Variants in SNX24 observed in about 807,000 individuals in gnomAD.
SNX24 encodes the protein sorting nexin-24.
SNX24 carries 22 observed loss-of-function variants against 28.7 expected under a neutral mutation model. That is an observed-to-expected ratio of 0.77 (90% confidence interval 0.55 to 1.10). The LOEUF (loss-of-function observed/expected upper bound fraction) is 1.10. Ranked by LOEUF, SNX24 falls within the 50% of genes least tolerant of loss-of-function variation. The pLI is 0.00. For missense variants in SNX24, 221 were observed against 201.1 expected (o/e 1.10, Z -0.60); for synonymous variants, 69 against 71.5 (o/e 0.96, Z 0.18).
chr5:123,023,831 C>CAT lies in SNX24; in HGVS notation n.384-5406_384-5405insTA, dbSNP rs1554081586. Reference sequence around the variant, plus strand: ...CAACACACACACACACACACACACACACACACCCCTGCCAAAGCATATCCT... The same window carrying CAT: ...CAACACACACACACACACACACACACATACACACCCCTGCCAAAGCATATCCT... On this transcript the variant is annotated intron_variant and non_coding_transcript_variant, in intron 5 of 5. Coordinates refer to the SNX24 transcript ENST00000502387. 7 of 1,606,930 alleles carry CAT rather than the reference C, an allele frequency of 4.4e-6. No individual in the cohort carries two copies. The African/African-American group carries it at 6.7e-5, about 15-fold the overall frequency.
At chr5:122,892,801 C>T (rs991179339) in intron 1 of SNX24, among the ~76,000 whole-genome samples, 3 of 151,718 alleles carry the variant, frequency 2.0e-5, no homozygotes, top group African/African-American at 7.3e-5. Flanking sequence ...TGGAGTCTCA[C>T]TCTGTCACCC....
intron 1 of SNX24, among the ~76,000 whole-genome samples, chr5:122,852,642 C>T (rs2024527): frequency 0.19 from 28,155 of 152,016 alleles, 3,085 homozygotes; most frequent in East Asian, 0.46. Context: ...CATGCCCAGC[C>T]GCATTTAATA....
chr5:122,914,955 T>G, intron 1 of SNX24, among the ~76,000 whole-genome samples: 1 of 152,156 alleles, frequency 6.6e-6, no homozygotes, highest in South Asian at 2.1e-4. Context: ...CACTTTTCCT[T>G]AGGTCCAGTT....
At chr5:122,981,054 C>T (rs1307448114) in intron 3 of SNX24, among the ~76,000 whole-genome samples, 1 of 152,098 alleles carries the variant, frequency 6.6e-6, no homozygotes, top group East Asian at 1.9e-4. Flanking sequence ...CCCAGCACTC[C>T]ATTTGCATGC....
intron 3 of SNX24, among the ~76,000 whole-genome samples, chr5:122,954,573 C>CTGT (rs1760122913): frequency 6.6e-6 from 1 of 150,558 alleles, no homozygotes; most frequent in African/African-American, 2.4e-5. Context: ...TAATAGTTAC[C>CTGT]TGTTATCTTT....
At chr5:123,013,207 T>C (rs1051674454), downstream of SNX24, among the ~76,000 whole-genome samples, 10 of 152,194 alleles carry the variant, frequency 6.6e-5, no homozygotes, top group Admixed American at 3.3e-4. Flanking sequence ...GTGAAATGCA[T>C]TTGGGTCCCC....
intron 1 of SNX24, among the ~76,000 whole-genome samples, chr5:122,884,434 G>A (rs571408282): frequency 3.0e-4 from 45 of 151,384 alleles, no homozygotes; most frequent in Middle Eastern, 3.4e-3. Flanking sequence ...TTTAGTAAAG[G>A]TGGGGTTTCA....
At chr5:122,905,671 A>T (rs2150083979) in intron 1 of SNX24, among the ~76,000 whole-genome samples, 1 of 152,324 alleles carries the variant, frequency 6.6e-6, no homozygotes, top group East Asian at 1.9e-4. Flanking sequence ...CCCTAGGAAC[A>T]CCTGATTGGA....
intron 3 of SNX24, among the ~76,000 whole-genome samples, chr5:122,953,817 G>A (rs1411512047): frequency 6.6e-6 from 1 of 152,100 alleles, no homozygotes; most frequent in African/African-American, 2.4e-5. Context: ...TAAATGTATA[G>A]TTAGTATTAA....
chr5:122,880,644 A>G (rs1756438647), intron 1 of SNX24, among the ~76,000 whole-genome samples: 1 of 152,200 alleles, frequency 6.6e-6, no homozygotes, highest in South Asian at 2.1e-4. Flanking sequence ...CATATCAGAA[A>G]AGAACAATGT....
At chr5:123,026,973 TC>T (rs1256667555) in intron 5 of SNX24, among the ~76,000 whole-genome samples, 2 of 152,064 alleles carry the variant, frequency 1.3e-5, no homozygotes, top group African/African-American at 4.8e-5. Context: ...GGCGGGCAGA[TC>T]GCAAGGCCAG....
chr5:122,968,757 T>G (rs1396306310), intron 3 of SNX24, among the ~76,000 whole-genome samples: 1 of 152,278 alleles, frequency 6.6e-6, no homozygotes, highest in East Asian at 1.9e-4. Flanking sequence ...AATTAAAATA[T>G]TATCACTACT....
In SNX24 at chr5:123,007,986, G is replaced by A; in HGVS notation, c.*237G>A. The A allele has an allele frequency of 8.3e-7, 1 of 1,202,262 alleles. No homozygotes were observed. Among genetic ancestry groups the A allele is most frequent in the East Asian group, 4.6e-5 (1 of 21,726 alleles). 74.5% of individuals were successfully genotyped at this position (1,202,262 alleles called of 1,614,324 possible). ...CCAAGTGTTTAAGAAGTAGAGTGTA[G>A]CTGCCAGCGTAGAAACCCATGAAAA... is the stretch of plus-strand genomic sequence containing the variant. On this transcript the variant is annotated 3_prime_UTR_variant, in exon 7 of 7. Transcript: ENST00000261369.
Position 122,887,566 on chromosome 5 carries a change from G to A in SNX24, c.60+41873G>A, listed in dbSNP as rs563377835. Among the ~76,000 whole-genome samples, 38 of 152,164 alleles carry A rather than the reference G, an allele frequency of 2.5e-4. No individual in the cohort carries two copies. In the South Asian group the frequency reaches 7.3e-3, roughly 29 times the overall value. On this transcript the variant is annotated intron_variant, in intron 1 of 6. Transcript: ENST00000261369. The stretch of plus-strand genomic sequence containing the variant: ...TAGCCTTTATGCCTTTTCATTACTC[G>A]ATTTCATATTTTTTATGCCCTTATC...
chr5:122,870,143 C>G (rs1755908274), intron 1 of SNX24, among the ~76,000 whole-genome samples: 1 of 152,112 alleles, frequency 6.6e-6, no homozygotes, highest in African/African-American at 2.4e-5. Flanking sequence ...TCATCTAGGC[C>G]TCATGTGAGA....
intron 2 of SNX24, among the ~76,000 whole-genome samples, chr5:122,944,478 G>A (rs1452099139): frequency 6.6e-6 from 1 of 152,124 alleles, no homozygotes; most frequent in Admixed American, 6.5e-5. Flanking sequence ...TGGCTAAGCA[G>A]CTAGCAGTGC....
At chr5:122,922,315 C>T (rs755679334) in intron 1 of SNX24, among the ~76,000 whole-genome samples, 4 of 152,052 alleles carry the variant, frequency 2.6e-5, no homozygotes, top group Non-Finnish European at 4.4e-5. Context: ...TGCAATGGTG[C>T]AATCTCAGCT....
chr5:122,930,436 C>T (rs1157228300), intron 1 of SNX24, among the ~76,000 whole-genome samples: 1 of 152,140 alleles, frequency 6.6e-6, no homozygotes, highest in Non-Finnish European at 1.5e-5. Context: ...CTTTTTCTGG[C>T]AATTAGCATG....
In SNX24 at chr5:122,934,993, A is replaced by G. The variant is rs886710528; in HGVS notation, c.61-1741A>G. Among the ~76,000 whole-genome samples, 7 of 151,938 alleles carry G rather than the reference A, an allele frequency of 4.6e-5. No individual in the cohort carries two copies. The East Asian group carries it at 7.7e-4, about 17-fold the overall frequency. ...GTAATTTGTCTTACCCTGGCCTTCAAGGGGGGGCACTTTGAGGGGTGAGCA... is the reference window on the plus strand; with the variant it reads ...GTAATTTGTCTTACCCTGGCCTTCAGGGGGGGGCACTTTGAGGGGTGAGCA... On this transcript the variant is annotated intron_variant, in intron 1 of 6. Coordinates refer to ENST00000261369, the MANE Select transcript of SNX24 (RefSeq NM_014035.4).
Sources: allele counts gnomAD v4.1 joint callset (sites outside exome capture counted in the v4.1 genomes callset), GRCh38; gene constraint gnomAD v4.1.1; transcripts MANE v1.5; gene names NCBI Gene and HGNC (gene_info 2026-07-23, HGNC 2026-07-21).